RAB37: variants seen among roughly 807,000 people sequenced by gnomAD.
RAB37 encodes the protein ras-related protein Rab-37.
In RAB37, 29 loss-of-function variants were observed where a neutral mutation model predicts 33.1. The ratio of observed to expected loss-of-function variants is 0.88; its 90% CI spans 0.65 to 1.20. RAB37 has a LOEUF of 1.20. Among genes scored for constraint, RAB37 ranks in the 50% most tolerant of loss-of-function variants. RAB37 has a pLI of 0.00. For synonymous variants in RAB37, 128 were observed against 119.5 expected, an observed-to-expected ratio of 1.07 and a Z score of -0.47; for missense variants, 299 against 301.1, an observed-to-expected ratio of 0.99 and a Z score of 0.05.
intron 5 of RAB37, among the ~76,000 whole-genome samples, chr17:74,743,861 T>C (rs1288736990): frequency 6.6e-6 from 1 of 152,162 alleles, no homozygotes; most frequent in Non-Finnish European, 1.5e-5. Context: ...ATAAGCAAAC[T>C]AGGAGAATAA....
At chr17:74,732,357 TC>T (rs1211127891), upstream of RAB37, among the ~76,000 whole-genome samples, 1 of 152,168 alleles carries the variant, frequency 6.6e-6, no homozygotes, top group Non-Finnish European at 1.5e-5. Context: ...CGGGTCTCCT[TC>T]CCACATCCCG....
intron 1 of RAB37, among the ~76,000 whole-genome samples, chr17:74,737,941 C>A (rs567319951): frequency 9.9e-4 from 150 of 152,246 alleles, no homozygotes; most frequent in East Asian, 7.7e-4. Flanking sequence ...GCCTGCAGGT[C>A]ACTTGGGAAT....
Position 74,740,821 on chromosome 17 carries a change from C to T in RAB37, c.147C>T (p.Phe49=), listed in dbSNP as rs754919098. 6.2e-7 allele frequency: 1 copy of T among 1,614,154 alleles called. No homozygotes were observed. Among genetic ancestry groups the T allele is most frequent in the Non-Finnish European group, 8.5e-7 (1 of 1,180,016 alleles). Residue 49 remains phenylalanine, a synonymous_variant, in exon 2 of 9, where the codon TTC becomes TTT. Transcript: ENST00000392613. The part of the protein sequence containing the change: ...GVGKTCFLIQ[F]KDGAFLSGTF... The stretch of plus-strand genomic sequence containing the variant: ...GCAAAACATGTTTCCTGATCCAATT[C>T]AAAGACGGGGCCTTCCTGTCCGGAA...
intron 1 of RAB37, among the ~76,000 whole-genome samples, chr17:74,692,929 C>A (rs1205345676): frequency 2.0e-5 from 3 of 152,172 alleles, no homozygotes; most frequent in African/African-American, 7.2e-5. Flanking sequence ...CCATCATGTG[C>A]CAGACAGTAA....
rs2034739939 is a variant in RAB37 at position 74,745,474 on chromosome 17, C to CCTTATTCCAT, written c.*63_*64insCTTATTCCAT. ...GGATGCAGCCTTCCCCCTCCCAGGC[C>CCTTATTCCAT]TGGCTTATTCCAAGAGGCTGAGCCA... On this transcript the variant is annotated 3_prime_UTR_variant, in exon 9 of 9. Transcript: ENST00000392613. The surrounding 1 kb of genome is among the most constrained non-coding windows in gnomAD (Gnocchi z 4.5). 1 of 1,368,230 alleles carries CCTTATTCCAT rather than the reference C, an allele frequency of 7.3e-7. No homozygotes were observed. Among genetic ancestry groups the CCTTATTCCAT allele is most frequent in the East Asian group, 2.3e-5 (1 of 43,522 alleles). 84.8% of individuals were successfully genotyped at this position (1,368,230 alleles called of 1,614,324 possible).
chr17:74,728,168 ATGTC>A lies in RAB37; in HGVS notation c.73-1084_73-1081del, dbSNP rs1012396504. On this transcript the variant is annotated intron_variant, in intron 1 of 7. Transcript: ENST00000340415. ...CATGTGTTTGTGTGCACATGTGTCT[ATGTC>A]TGTGTATATGCATGTCTGTGCGAAT... 5.4e-5 allele frequency among the ~76,000 whole-genome samples: 8 copies of A among 147,554 alleles called. No homozygotes were observed. In the South Asian group the frequency reaches 6.5e-4, roughly 12 times the overall value.
At chr17:74,740,738 C>T in intron 1 of RAB37, 30 bp from the exon 2 acceptor site, 1 of 1,474,010 alleles carries the variant, frequency 6.8e-7, no homozygotes, top group Non-Finnish European at 9.5e-7. Flanking sequence ...CCCTGACTCC[C>T]CATTAACTGC....
chr17:74,705,181 G>A (rs1016506346), intron 1 of RAB37: 11 of 696,256 alleles, frequency 1.6e-5, no homozygotes, highest in Non-Finnish European at 2.6e-5. Flanking sequence ...AATACCAGGA[G>A]ACCCCTTTCC....
upstream of RAB37, chr17:74,736,504 C>A: frequency 7.1e-7 from 1 of 1,416,468 alleles, no homozygotes; most frequent in Admixed American, 2.9e-5. Context: ...TTTGGCTCCT[C>A]CTCGGGGCCA....
intron 1 of RAB37, among the ~76,000 whole-genome samples, chr17:74,727,783 G>A (rs1426130913): frequency 6.6e-6 from 1 of 152,148 alleles, no homozygotes. Context: ...ATAGAAAATC[G>A]AGACTTTAGT....
intron 1 of RAB37, among the ~76,000 whole-genome samples, chr17:74,701,453 T>C (rs931262174): frequency 3.3e-5 from 5 of 152,206 alleles, no homozygotes; most frequent in Admixed American, 2.0e-4. Context: ...AAGGCTTCGA[T>C]TCATAAAATA....
Position 74,744,946 on chromosome 17 carries a change from G to A in RAB37, c.489+17G>A, listed in dbSNP as rs183898795. 2.5e-6 allele frequency: 4 copies of A among 1,614,268 alleles called. No individual in the cohort carries two copies. The African/African-American group carries it at 5.3e-5, about 22-fold the overall frequency. Reference sequence around the variant, plus strand: ...TTGGCCAGGGTAAGTGATTGTCTGTGGGACAGGGTGAAGGGTGGGGGCAAC... The same window carrying A: ...TTGGCCAGGGTAAGTGATTGTCTGTAGGACAGGGTGAAGGGTGGGGGCAAC... On this transcript the variant is annotated intron_variant, in intron 7 of 8. Coordinates refer to ENST00000392613, the MANE Select transcript of RAB37 (RefSeq NM_001006638.3). The surrounding 1 kb of genome is among the most constrained non-coding windows in gnomAD (Gnocchi z 4.2).
At position 74,676,132 on chromosome 17, in the gene RAB37, C is replaced by T. The variant is rs2031827894; in HGVS notation, c.72+4474C>T. On this transcript the variant is annotated intron_variant, in intron 1 of 7. Coordinates refer to the RAB37 transcript ENST00000340415. This position sits in a 1 kb window ranked among gnomAD's most constrained non-coding sequence, Gnocchi z 4.1. ...TGTGCCAGGGTCTGACCTTGAGCTCCCAGAAAATGAAAAGATTTTCATTTC... is the reference window on the plus strand; with the variant it reads ...TGTGCCAGGGTCTGACCTTGAGCTCTCAGAAAATGAAAAGATTTTCATTTC... Among the ~76,000 whole-genome samples the T allele has an allele frequency of 6.6e-6, 1 of 151,994 alleles. No homozygotes were observed. Among genetic ancestry groups the T allele is most frequent in the African/African-American group, 2.4e-5 (1 of 41,378 alleles).
intron 1 of RAB37, among the ~76,000 whole-genome samples, chr17:74,707,530 C>A (rs955634275): frequency 2.2e-4 from 34 of 152,220 alleles, no homozygotes; most frequent in African/African-American, 8.2e-4. Flanking sequence ...GCCTAGGCAA[C>A]ATGGTGAAAT....
At chr17:74,697,554 G>A (rs926421486) in intron 1 of RAB37, among the ~76,000 whole-genome samples, 3 of 152,218 alleles carry the variant, frequency 2.0e-5, no homozygotes, top group Non-Finnish European at 4.4e-5. Context: ...GATTTCCCAG[G>A]CTGTGGGGAG....
intron 1 of RAB37, chr17:74,698,464 A>G (rs1336156590): frequency 6.2e-7 from 1 of 1,613,776 alleles, no homozygotes; most frequent in Non-Finnish European, 8.5e-7. Context: ...GAGGACACTG[A>G]GCTTCAGGAG....
rs931397801 is a variant in RAB37 at position 74,741,635 on chromosome 17, C to G, written c.205-619C>G. On this transcript the variant is annotated intron_variant, in intron 2 of 8. Transcript: ENST00000392613. ...GGCTGGCCATGTTGGGAGACAGCAG[C>G]TCACCAGGGACCCTCCCTCTCACCT... 2.1e-4 allele frequency among the ~76,000 whole-genome samples: 31 copies of G among 150,746 alleles called. 1 individual carries two copies. The highest frequency in any genetic ancestry group is 4.4e-4 in the Non-Finnish European group (30 of 67,908).
At chr17:74,728,726 A>G (rs989933926) in intron 1 of RAB37, among the ~76,000 whole-genome samples, 7 of 150,948 alleles carry the variant, frequency 4.6e-5, no homozygotes, top group South Asian at 2.1e-4. Flanking sequence ...TTCTGTGCAT[A>G]TATGTGTACA....
chr17:74,735,041 GAAAGAAAGAAA>G (rs2034452181), upstream of RAB37, among the ~76,000 whole-genome samples: 1 of 133,282 alleles, frequency 7.5e-6, no homozygotes, highest in South Asian at 2.4e-4. Flanking sequence ...AAGAAAGAAA[GAAAGAAAGAAA>G]GAAAGAAAGA....
Sources: allele counts gnomAD v4.1 joint callset (sites outside exome capture counted in the v4.1 genomes callset), GRCh38; gene constraint gnomAD v4.1.1; non-coding constraint Gnocchi (gnomAD v3.1); transcripts MANE v1.5; gene names NCBI Gene and HGNC (gene_info 2026-07-23, HGNC 2026-07-21).